RCC2: variants seen among roughly 807,000 people sequenced by gnomAD.
RCC2 encodes regulator of chromosome condensation 2, also known as protein RCC2.
A neutral mutation model predicts 64.1 loss-of-function variants in RCC2; 19 were observed. The observed-to-expected ratio is 0.30, with a 90% CI of 0.21 to 0.44. The LOEUF (loss-of-function observed/expected upper bound fraction) is 0.44. Among genes scored for constraint, RCC2 ranks in the 20% least tolerant of loss-of-function variants. RCC2 has a pLI of 1.00. For synonymous variants in RCC2, 325 were observed against 279.6 expected (o/e 1.16, Z -1.62); for missense variants, 508 against 710.4 (o/e 0.72, Z 3.24).
intron 12 of RCC2, 68 bp from the exon 13 acceptor site, chr1:17,409,262 T>A: frequency 9.8e-7 from 1 of 1,016,578 alleles, no homozygotes; most frequent in Non-Finnish European, 1.6e-6. Context: ...GAAGAGACTC[T>A]GGAAACTGGG....
chr1:17,406,859 C>A lies in RCC2; in HGVS notation c.*2231G>T, dbSNP rs563057067. ...ATTACAGCACTAAACCAGGCACCTT[C>A]GACCAAATCACAACCTCCTCTTTGA... On this transcript the variant is annotated 3_prime_UTR_variant, in exon 13 of 13. Coordinates refer to ENST00000375436, the MANE Select transcript of RCC2 (RefSeq NM_018715.4). 1 of 152,312 alleles carries A rather than the reference C, an allele frequency of 6.6e-6. No homozygotes were observed. Among genetic ancestry groups the A allele is most frequent in the African/African-American group, 2.4e-5 (1 of 41,574 alleles). The allele number at this position is 152,312 out of a possible 1,614,324, so 9.4% of individuals were successfully genotyped here.
At chr1:17,413,311 G>T (rs1165858246) in intron 9 of RCC2, 133 bp from the exon 10 acceptor site, 9 of 845,656 alleles carry the variant, frequency 1.1e-5, no homozygotes, top group Non-Finnish European at 1.5e-5. Flanking sequence ...GGAGCCAGGC[G>T]TGGTGGCGTG....
Position 17,438,317 on chromosome 1 carries a change from G to GC in RCC2, c.197dup (p.Lys67GlnfsTer32). On this transcript the variant is annotated frameshift_variant, in exon 2 of 13. Transcript: ENST00000375436. LOFTEE classifies it high-confidence loss of function. ...CTGTCGCCGGCCGCGCCGCGCGCTT[G>GC]CCCCCGCCGGGGGCCCCGTCGAGCT... The GC allele has an allele frequency of 8.1e-7, 1 of 1,237,428 alleles. No homozygotes were observed. The allele number at this position is 1,237,428 out of a possible 1,614,324, so 76.7% of individuals were successfully genotyped here.
intron 2 of RCC2, among the ~76,000 whole-genome samples, chr1:17,436,998 A>C (rs2075741886): frequency 1.3e-5 from 2 of 152,182 alleles, no homozygotes; most frequent in Admixed American, 1.3e-4. Flanking sequence ...CCACTGCCTA[A>C]CATGTTAACC....
At chr1:17,419,958 G>C (rs1373483447) in intron 7 of RCC2, among the ~76,000 whole-genome samples, 1 of 152,174 alleles carries the variant, frequency 6.6e-6, no homozygotes, top group African/African-American at 2.4e-5. Flanking sequence ...TAAGGCCAGC[G>C]GGCTCGGCGC....
chr1:17,412,152 G>A lies in RCC2; in HGVS notation c.1356C>T (p.Ser452=), dbSNP rs2075433979. The A allele has an allele frequency of 6.2e-7, 1 of 1,614,136 alleles. No homozygotes were observed. The highest frequency in any genetic ancestry group is 8.5e-7 in the Non-Finnish European group (1 of 1,180,008). The change falls in exon 11 of 13, where the codon AGC becomes AGT. Residue 452 remains serine (S), a synonymous_variant. Transcript: ENST00000375436. ...CCCCAAAGGTCGGTGACGGACCCCA[G>A]CTGATGGTGCTCTCATCGGCGGCCA... ...IIVAADESTI[S]WGPSPTFGEL...
chr1:17,422,324 G>T, intron 5 of RCC2, 33 bp from the exon 6 acceptor site: 1 of 1,528,198 alleles, frequency 6.5e-7, no homozygotes. Flanking sequence ...CAAAAGGGAA[G>T]ATAATGGTGA....
chr1:17,439,202 A>T (rs986299406), intron 1 of RCC2, among the ~76,000 whole-genome samples: 2 of 150,792 alleles, frequency 1.3e-5, no homozygotes, highest in Admixed American at 6.6e-5. Context: ...AAAAATAAAA[A>T]CTTTAATGGT....
chr1:17,416,652 G>A lies in RCC2; in HGVS notation c.860-6C>T, dbSNP rs779876844. The A allele has an allele frequency of 1.2e-5, 19 of 1,605,250 alleles. No individual in the cohort carries two copies. The highest frequency in any genetic ancestry group is 1.4e-5 in the Non-Finnish European group (17 of 1,174,378). On this transcript the variant is annotated splice_polypyrimidine_tract_variant and splice_region_variant and intron_variant, in intron 7 of 12. Transcript: ENST00000375436. ...CTTCCCATCTGAGTTGTGTCCTGTA[G>A]AGACCACAGAGCCGGCCATCAGCAG...
chr1:17,436,502 G>A (rs1460117072), intron 2 of RCC2, among the ~76,000 whole-genome samples: 2 of 151,796 alleles, frequency 1.3e-5, no homozygotes, highest in African/African-American at 4.8e-5. Context: ...GGGAGACTCT[G>A]CCTCAAAAAA....
At chr1:17,429,061 C>A (rs772294292) in intron 3 of RCC2, 45 bp downstream of exon 3, 1 of 1,447,478 alleles carries the variant, frequency 6.9e-7, no homozygotes, top group South Asian at 1.1e-5. Flanking sequence ...CAGAACCTAG[C>A]ACTTAAGAAG....
intron 8 of RCC2, among the ~76,000 whole-genome samples, chr1:17,414,308 T>C (rs1036815487): frequency 6.6e-6 from 1 of 151,808 alleles, no homozygotes; most frequent in Non-Finnish European, 1.5e-5. Flanking sequence ...GGCAGGTGGA[T>C]TGCCTGAACT....
chr1:17,434,406 C>G (rs1292908453), intron 2 of RCC2, among the ~76,000 whole-genome samples: 1 of 152,232 alleles, frequency 6.6e-6, no homozygotes, highest in African/African-American at 2.4e-5. Flanking sequence ...TTGTGGAGAG[C>G]TGAACATGTA....
chr1:17,407,476 G>A lies in RCC2; in HGVS notation c.*1614C>T, dbSNP rs1462757171. ...GCAGAAGCTTCTCCCCTGGACTACTGATTGAACACAGAACAAGAGATGCGC... is the reference window on the plus strand; with the variant it reads ...GCAGAAGCTTCTCCCCTGGACTACTAATTGAACACAGAACAAGAGATGCGC... On this transcript the variant is annotated 3_prime_UTR_variant, in exon 13 of 13. Coordinates refer to ENST00000375436, the MANE Select transcript of RCC2 (RefSeq NM_018715.4). 3 of 152,336 alleles carry A rather than the reference G, an allele frequency of 2.0e-5. No individual in the cohort carries two copies. Among genetic ancestry groups the A allele is most frequent in the African/African-American group, 4.8e-5 (2 of 41,450 alleles). The allele number at this position is 152,336 out of a possible 1,614,324, so 9.4% of individuals were successfully genotyped here.
At chr1:17,425,723 T>C in intron 3 of RCC2, 39 bp from the exon 4 acceptor site, 1 of 1,571,290 alleles carries the variant, frequency 6.4e-7, no homozygotes, top group Non-Finnish European at 8.7e-7. Flanking sequence ...ACACCTGGGG[T>C]GGTGGGGTGA....
At chr1:17,431,343 A>T (rs868762658) in intron 2 of RCC2, among the ~76,000 whole-genome samples, 10,693 of 57,146 alleles carry the variant, frequency 0.19, 1,816 homozygotes, top group South Asian at 0.28. Context: ...CAAAAAAAAA[A>T]AAAAAAAAAA....
At chr1:17,410,096 T>C in intron 11 of RCC2, 45 bp from the exon 12 acceptor site, 1 of 1,555,888 alleles carries the variant, frequency 6.4e-7, no homozygotes, top group East Asian at 2.2e-5. Flanking sequence ...TCCATGTGGC[T>C]CAGTCCACAA....
intron 2 of RCC2, among the ~76,000 whole-genome samples, chr1:17,435,112 G>A (rs992862788): frequency 1.1e-4 from 17 of 152,160 alleles, no homozygotes; most frequent in African/African-American, 3.6e-4. Flanking sequence ...GGGGTGGGGG[G>A]TGCGGAAGAA....
intron 9 of RCC2, 49 bp from the exon 10 acceptor site, chr1:17,413,227 G>C: frequency 1.5e-6 from 2 of 1,296,124 alleles, no homozygotes; most frequent in African/African-American, 1.5e-5. Flanking sequence ...ATCGAGAGCT[G>C]AGTCTCATCT....
Sources: allele counts gnomAD v4.1 joint callset (sites outside exome capture counted in the v4.1 genomes callset), GRCh38; gene constraint gnomAD v4.1.1; transcripts MANE v1.5; gene names NCBI Gene and HGNC (gene_info 2026-07-23, HGNC 2026-07-21).